Variants in NTN1 observed in about 807,000 individuals in gnomAD.
The protein encoded by NTN1 is netrin 1.
A neutral mutation model predicts 54.2 loss-of-function variants in NTN1; 11 were observed. The ratio of observed to expected loss-of-function variants is 0.20; its 90% CI spans 0.13 to 0.34. The LOEUF (loss-of-function observed/expected upper bound fraction) is 0.34. Among genes scored for constraint, NTN1 ranks in the 10% least tolerant of loss-of-function variants. The probability of loss-of-function intolerance (pLI) is 1.00; values close to 1 mark genes in which losing one functional copy is unlikely to be tolerated. For missense variants in NTN1, 740 were observed against 893.1 expected, an observed-to-expected ratio of 0.83 and a Z score of 2.18; for synonymous variants, 371 against 382.0, an observed-to-expected ratio of 0.97 and a Z score of 0.33.
At chr17:9,116,444 G>A (rs756765489) in intron 2 of NTN1, among the ~76,000 whole-genome samples, 17 of 152,210 alleles carry the variant, frequency 1.1e-4, no homozygotes, top group Non-Finnish European at 4.4e-5. Context: ...TTTGTGACCC[G>A]GGGAGGGGCA....
chr17:9,043,633 A>G (rs994368771), intron 2 of NTN1, among the ~76,000 whole-genome samples: 1 of 151,412 alleles, frequency 6.6e-6, no homozygotes, highest in Non-Finnish European at 1.5e-5. Flanking sequence ...CTGGAATGCA[A>G]TGGCGCGATC....
intron 2 of NTN1, among the ~76,000 whole-genome samples, chr17:9,146,040 TG>T (rs1328518089): frequency 6.6e-6 from 1 of 152,166 alleles, no homozygotes; most frequent in Non-Finnish European, 1.5e-5. Context: ...AGTCACAAGT[TG>T]GGCAGCTTGA....
At chr17:9,138,601 A>T (rs1203503146) in intron 2 of NTN1, among the ~76,000 whole-genome samples, 1 of 152,208 alleles carries the variant, frequency 6.6e-6, no homozygotes, top group Non-Finnish European at 1.5e-5. Context: ...CTCCTTGTCC[A>T]TCAATCCGTC....
intron 6 of NTN1, among the ~76,000 whole-genome samples, chr17:9,227,555 A>G (rs559699819): frequency 6.5e-4 from 52 of 80,124 alleles, no homozygotes; most frequent in Admixed American, 1.9e-3. Context: ...ACACACAGGC[A>G]CACACACTAT....
chr17:9,152,613 C>T (rs2092330877), intron 2 of NTN1, among the ~76,000 whole-genome samples: 1 of 152,208 alleles, frequency 6.6e-6, no homozygotes, highest in Non-Finnish European at 1.5e-5. Flanking sequence ...CCTGAGGCTT[C>T]TTCACAGCGT....
chr17:9,235,493 T>G (rs1182695370), intron 6 of NTN1, among the ~76,000 whole-genome samples: 2 of 152,190 alleles, frequency 1.3e-5, no homozygotes, highest in Admixed American at 6.5e-5. Flanking sequence ...GGGGTGAGTT[T>G]CATCGTGTGG....
chr17:9,168,188 T>C (rs1403313743), intron 3 of NTN1, among the ~76,000 whole-genome samples: 1 of 152,200 alleles, frequency 6.6e-6, no homozygotes, highest in Non-Finnish European at 1.5e-5. Flanking sequence ...TAAATGTTTT[T>C]TATGATTATC....
intron 2 of NTN1, among the ~76,000 whole-genome samples, chr17:9,072,255 T>G (rs1357792164): frequency 6.6e-6 from 1 of 151,600 alleles, no homozygotes; most frequent in Non-Finnish European, 1.5e-5. Flanking sequence ...GCTGTTTTTT[T>G]TTTTTTTTTT....
rs188076439 is a variant in NTN1, at chr17:9,058,689, T to C, written c.1018+35298T>C. Among the ~76,000 whole-genome samples, 132 of 147,618 alleles carry C rather than the reference T, an allele frequency of 8.9e-4. 1 individual carries two copies. In the East Asian group the frequency reaches 0.021, roughly 24 times the overall value. On this transcript the variant is annotated intron_variant, in intron 2 of 6. Transcript: ENST00000173229. ...AGAAAAGAAAAAAGAAAAAAATAGCTTAGAGAAAAGAATGGAAAACAGCAG... is the reference window on the plus strand; with the variant it reads ...AGAAAAGAAAAAAGAAAAAAATAGCCTAGAGAAAAGAATGGAAAACAGCAG...
At chr17:9,004,433 C>G in the NTN1 span, among the ~76,000 whole-genome samples, 1 of 152,260 alleles carries the variant, frequency 6.6e-6, no homozygotes, top group Non-Finnish European at 1.5e-5. Context: ...TTGGGACCCT[C>G]GGGTCCGCCT....
In NTN1 at chr17:9,117,224, A is replaced by G. The variant is rs1197078706; in HGVS notation, c.1019-45589A>G. Among the ~76,000 whole-genome samples, 10 of 152,328 alleles carry G rather than the reference A, an allele frequency of 6.6e-5. No homozygotes were observed. In the South Asian group the frequency reaches 1.2e-3, roughly 19 times the overall value. On this transcript the variant is annotated intron_variant, in intron 2 of 6. Transcript: ENST00000173229. ...CAGGGAGGCAGAGAGGACATAAAGCAGATTGGCATTGGCAGCCAGGGGAAG... is the reference window on the plus strand; with the variant it reads ...CAGGGAGGCAGAGAGGACATAAAGCGGATTGGCATTGGCAGCCAGGGGAAG...
chr17:9,028,125 CA>C (rs891817278), intron 2 of NTN1, among the ~76,000 whole-genome samples: 1 of 149,922 alleles, frequency 6.7e-6, no homozygotes, highest in South Asian at 2.1e-4. Flanking sequence ...ACTCTGTCTC[CA>C]AAAAAAAAGA....
At chr17:9,102,330 G>GC (rs34706379) in intron 2 of NTN1, among the ~76,000 whole-genome samples, 23 of 52,364 alleles carry the variant, frequency 4.4e-4, no homozygotes, top group African/African-American at 1.2e-3. Flanking sequence ...GAGCAAACAT[G>GC]TCCTTCACAT....
intron 6 of NTN1, among the ~76,000 whole-genome samples, chr17:9,229,980 G>A (rs919822812): frequency 6.6e-6 from 1 of 152,202 alleles, no homozygotes; most frequent in East Asian, 1.9e-4. Context: ...AATCAGATGA[G>A]CCGGGGAGGG....
At chr17:9,209,220 T>C (rs887320150) in intron 5 of NTN1, among the ~76,000 whole-genome samples, 6 of 152,256 alleles carry the variant, frequency 3.9e-5, no homozygotes, top group African/African-American at 1.4e-4. Flanking sequence ...GAATGGTGAA[T>C]GACCCCAGAT....
intron 5 of NTN1, among the ~76,000 whole-genome samples, chr17:9,187,653 C>CCAAAAAAA: frequency 1.4e-5 from 1 of 72,646 alleles, no homozygotes; most frequent in Admixed American, 1.9e-4. Flanking sequence ...CCTCATCTCT[C>CCAAAAAAA]CAAAAAAAAA....
chr17:9,155,990 G>A (rs2092340853), intron 2 of NTN1, among the ~76,000 whole-genome samples: 1 of 152,140 alleles, frequency 6.6e-6, no homozygotes, highest in South Asian at 2.1e-4. Context: ...GAATTTGTGA[G>A]TTGTACATGC....
intron 5 of NTN1, among the ~76,000 whole-genome samples, chr17:9,192,123 T>C (rs1904479570): frequency 6.6e-6 from 1 of 152,158 alleles, no homozygotes; most frequent in South Asian, 2.1e-4. Flanking sequence ...TGAAGGGTAA[T>C]TTGGCATTGT....
chr17:9,004,862 A>T, the NTN1 span, among the ~76,000 whole-genome samples: 1 of 152,360 alleles, frequency 6.6e-6, no homozygotes, highest in South Asian at 2.1e-4. Flanking sequence ...TGAGAGGCAG[A>T]ACTGACACAG....
Sources: gnomAD v4.1 joint callset for allele counts (sites outside exome capture counted in the v4.1 genomes callset) on GRCh38, gnomAD v4.1.1 for gene constraint, MANE v1.5 for transcripts, NCBI Gene and HGNC (gene_info 2026-07-23, HGNC 2026-07-21) for gene names.